SUGCT: variants seen among roughly 807,000 people sequenced by gnomAD.
SUGCT encodes succinyl-CoA:glutarate-CoA transferase.
SUGCT carries 41 observed loss-of-function variants against 55.0 expected under a neutral mutation model. The ratio of observed to expected loss-of-function variants is 0.74; its 90% CI spans 0.58 to 0.97. The LOEUF (loss-of-function observed/expected upper bound fraction) is 0.97, where lower values mean the gene tolerates loss of function less well. Ranked by LOEUF, SUGCT falls within the 50% of genes least tolerant of loss-of-function variation. The pLI, the probability that SUGCT is intolerant of heterozygous loss-of-function variation, is 0.00. For synonymous variants in SUGCT, 187 were observed against 200.4 expected, an observed-to-expected ratio of 0.93 and a Z score of 0.56; for missense variants, 568 against 547.8, an observed-to-expected ratio of 1.04 and a Z score of -0.37.
At chr7:41,019,724 C>G in the SUGCT span, among the ~76,000 whole-genome samples, 1 of 152,190 alleles carries the variant, frequency 6.6e-6, no homozygotes, top group East Asian at 1.9e-4. Context: ...CGGGTTGACT[C>G]GGCAAATACA....
At chr7:40,735,820 TG>T (rs1342423267) in intron 12 of SUGCT, among the ~76,000 whole-genome samples, 4 of 152,196 alleles carry the variant, frequency 2.6e-5, no homozygotes, top group Non-Finnish European at 5.9e-5. Flanking sequence ...CTCATTTTTC[TG>T]GGGCTAGGAG....
intron 6 of SUGCT, among the ~76,000 whole-genome samples, chr7:40,236,671 C>T (rs1789034593): frequency 6.6e-6 from 1 of 151,882 alleles, no homozygotes; most frequent in African/African-American, 2.4e-5. Context: ...TAGCAAATAC[C>T]TGTTGGAGTC....
chr7:40,513,783 ATTTTTTTTTTTT>A (rs869065628), intron 12 of SUGCT, among the ~76,000 whole-genome samples: 9 of 103,992 alleles, frequency 8.7e-5, no homozygotes, highest in Non-Finnish European at 1.5e-4. Context: ...TCAGGGAAGT[ATTTTTTTTTTTT>A]TTTTTTTTTT....
At chr7:40,837,271 A>G (rs1793034722) in intron 13 of SUGCT, among the ~76,000 whole-genome samples, 1 of 152,148 alleles carries the variant, frequency 6.6e-6, no homozygotes. Flanking sequence ...CTCATTTTCT[A>G]ACTGGCTTTT....
At chr7:40,580,094 A>G (rs1466095947) in intron 12 of SUGCT, among the ~76,000 whole-genome samples, 1 of 152,240 alleles carries the variant, frequency 6.6e-6, no homozygotes, top group Non-Finnish European at 1.5e-5. Context: ...GTCACTGGAA[A>G]TGTTTCATCT....
the SUGCT span, among the ~76,000 whole-genome samples, chr7:40,882,839 T>C: frequency 6.6e-6 from 1 of 152,232 alleles, no homozygotes; most frequent in Admixed American, 6.5e-5. Flanking sequence ...ATTTTTTTTA[T>C]TCTAGGAGCA....
At chr7:40,871,368 AG>A in the SUGCT span, among the ~76,000 whole-genome samples, 1 of 152,084 alleles carries the variant, frequency 6.6e-6, no homozygotes, top group Non-Finnish European at 1.5e-5. Flanking sequence ...GTGGAGAGAG[AG>A]GGGGGCCATT....
chr7:40,384,662 G>C (rs1041489886), intron 9 of SUGCT, among the ~76,000 whole-genome samples: 1 of 151,862 alleles, frequency 6.6e-6, no homozygotes, highest in African/African-American at 2.4e-5. Context: ...TCCTGCCTTA[G>C]CCTCCCAAGC....
chr7:40,884,855 A>G, the SUGCT span, among the ~76,000 whole-genome samples: 2 of 151,976 alleles, frequency 1.3e-5, no homozygotes, highest in African/African-American at 4.8e-5. Context: ...GTTAATCTGA[A>G]CTCTTCTTCT....
At chr7:40,271,338 G>A (rs1156333093) in intron 7 of SUGCT, among the ~76,000 whole-genome samples, 1 of 152,014 alleles carries the variant, frequency 6.6e-6, no homozygotes, top group East Asian at 1.9e-4. Flanking sequence ...ACTATGTTGT[G>A]CAGTCTGGGC....
chr7:40,849,066 T>A (rs1034764799), intron 13 of SUGCT, among the ~76,000 whole-genome samples: 7 of 152,172 alleles, frequency 4.6e-5, no homozygotes, highest in Non-Finnish European at 1.0e-4. Context: ...ACTACACTAC[T>A]AAGCCTTGAA....
chr7:40,982,731 G>A, the SUGCT span, among the ~76,000 whole-genome samples: 1 of 151,964 alleles, frequency 6.6e-6, no homozygotes, highest in Non-Finnish European at 1.5e-5. Context: ...GCTCACTGCA[G>A]CCTTGACCTC....
At chr7:40,952,495 T>G in the SUGCT span, among the ~76,000 whole-genome samples, 45 of 152,166 alleles carry the variant, frequency 3.0e-4, no homozygotes, top group Admixed American at 2.9e-3. Flanking sequence ...ATACTGTCGT[T>G]ATGATGTTAG....
chr7:40,233,346 A>C (rs1788830450), intron 6 of SUGCT, among the ~76,000 whole-genome samples: 1 of 151,998 alleles, frequency 6.6e-6, no homozygotes, highest in South Asian at 2.1e-4. Flanking sequence ...CAGCCTCCCA[A>C]GTAGCTGGGA....
In SUGCT at chr7:40,248,429, A is replaced by G. The variant is rs139431684; in HGVS notation, c.576+10703A>G. Among the ~76,000 whole-genome samples the G allele has an allele frequency of 6.4e-3, 967 of 152,268 alleles. 37 individuals carry two copies. The highest frequency in any genetic ancestry group is 0.055 in the Admixed American group (844 of 15,276). On this transcript the variant is annotated intron_variant, in intron 7 of 13. Transcript: ENST00000335693. ...CAATACACTTGCTTTTATTGTGTCT[A>G]TACCTGTGGATGTACCATAGTTTAT...
At chr7:40,442,748 G>A (rs771432654) in intron 9 of SUGCT, among the ~76,000 whole-genome samples, 25 of 152,052 alleles carry the variant, frequency 1.6e-4, no homozygotes, top group Non-Finnish European at 3.2e-4. Flanking sequence ...TATACTTTAA[G>A]TTCCAGGGTA....
chr7:40,893,623 A>C, the SUGCT span, among the ~76,000 whole-genome samples: 1 of 152,238 alleles, frequency 6.6e-6, no homozygotes, highest in Non-Finnish European at 1.5e-5. Flanking sequence ...ATCAATAAAT[A>C]AAGAATTTTT....
chr7:40,610,305 C>T (rs938510561), intron 12 of SUGCT, among the ~76,000 whole-genome samples: 1 of 152,228 alleles, frequency 6.6e-6, no homozygotes, highest in Non-Finnish European at 1.5e-5. Flanking sequence ...TCTCTATCTG[C>T]AATCCCTTTA....
At chr7:40,162,961 C>A (rs1268172760) in intron 1 of SUGCT, among the ~76,000 whole-genome samples, 3 of 152,178 alleles carry the variant, frequency 2.0e-5, no homozygotes, top group African/African-American at 7.2e-5. Flanking sequence ...TGCTGCAGTA[C>A]AAATTAGCCC....
Sources: gnomAD v4.1 joint callset for allele counts (sites outside exome capture counted in the v4.1 genomes callset) on GRCh38, gnomAD v4.1.1 for gene constraint, MANE v1.5 for transcripts, NCBI Gene and HGNC (gene_info 2026-07-23, HGNC 2026-07-21) for gene names.